PCNX2: variants seen among roughly 807,000 people sequenced by gnomAD.
PCNX2 encodes the protein pecanex 2, also known as pecanex-like protein 2.
Under a neutral mutation model 223.8 loss-of-function variants are expected in PCNX2, and 168 were observed. The ratio of observed to expected loss-of-function variants is 0.75; its 90% CI spans 0.66 to 0.85. PCNX2 has a LOEUF of 0.85. PCNX2 is among the 40% of genes least tolerant of loss of function. The pLI is 0.00. For missense variants in PCNX2, 2,507 were observed against 2,675.5 expected, an observed-to-expected ratio of 0.94 and a Z score of 1.39; for synonymous variants, 1,006 against 1,052.6, an observed-to-expected ratio of 0.96 and a Z score of 0.86.
At chr1:233,138,550 C>T (rs1161237417) in intron 20 of PCNX2, among the ~76,000 whole-genome samples, 4 of 152,192 alleles carry the variant, frequency 2.6e-5, no homozygotes, top group Non-Finnish European at 5.9e-5. Context: ...CTGTACCATA[C>T]TGGGAATCCC....
chr1:233,117,457 C>G (rs1309174152), intron 21 of PCNX2, among the ~76,000 whole-genome samples: 1 of 151,272 alleles, frequency 6.6e-6, no homozygotes, highest in East Asian at 2.0e-4. Context: ...CAGTGAAACC[C>G]TGTCTGTACT....
At chr1:233,015,708 T>A (rs1670632023) in intron 27 of PCNX2, among the ~76,000 whole-genome samples, 1 of 151,422 alleles carries the variant, frequency 6.6e-6, no homozygotes, top group South Asian at 2.1e-4. Context: ...AATAAAAAAA[T>A]AAAAAAATAT....
chr1:232,986,387 C>T lies in PCNX2; in HGVS notation c.5945G>A (p.Gly1982Asp), dbSNP rs1432159163. 1.2e-6 allele frequency: 2 copies of T among 1,602,704 alleles called. No individual in the cohort carries two copies. The highest frequency in any genetic ancestry group is 1.7e-6 in the Non-Finnish European group (2 of 1,174,442). The change falls in exon 33 of 34, where the codon GGC (glycine) becomes GAC (aspartate). Residue 1982 changes from glycine to aspartate, a missense_variant. Transcript: ENST00000258229. Reference protein sequence around the residue: ...SVHELAQRLSGSRLSLHASAT... With the variant: ...SVHELAQRLSDSRLSLHASAT... ...CGAGGCGTGCAAGGAGAGCCGGCTG[C>T]CCGAGAGCCTCTGGGCCAGCTCGTG...
intron 21 of PCNX2, among the ~76,000 whole-genome samples, chr1:233,118,448 A>G (rs991692849): frequency 1.3e-5 from 2 of 149,462 alleles, no homozygotes; most frequent in Non-Finnish European, 3.0e-5. Context: ...ATCCTTACCT[A>G]CAGATAGCAT....
intron 20 of PCNX2, among the ~76,000 whole-genome samples, chr1:233,137,033 A>G (rs914372124): frequency 6.6e-6 from 1 of 152,216 alleles, no homozygotes; most frequent in African/African-American, 2.4e-5. Context: ...TAACATTGCA[A>G]TAGTAACAGC....
Position 233,032,999 on chromosome 1 carries a change from A to T in PCNX2, c.4352-7600T>A, listed in dbSNP as rs112768736. 222 of 985,428 alleles carry T rather than the reference A, an allele frequency of 2.3e-4. 2 individuals are homozygous for T. The African/African-American group carries it at 3.7e-3, about 16-fold the overall frequency. 61.0% of individuals were successfully genotyped at this position (985,428 alleles called of 1,614,324 possible). On this transcript the variant is annotated intron_variant, in intron 25 of 33. Coordinates refer to ENST00000258229, the MANE Select transcript of PCNX2 (RefSeq NM_014801.4). ...GTTGTCCAAATGTAAATCAAGGCCC[A>T]TATTCTCAGGAAGACTCAGAAGGTT...
At chr1:233,049,086 G>T (rs1275751882) in intron 25 of PCNX2, among the ~76,000 whole-genome samples, 1 of 152,102 alleles carries the variant, frequency 6.6e-6, no homozygotes, top group Non-Finnish European at 1.5e-5. Flanking sequence ...CAATTCTACT[G>T]AAACTATACC....
the PCNX2 span, among the ~76,000 whole-genome samples, chr1:233,302,213 T>C: frequency 6.4e-3 from 976 of 152,344 alleles, 13 homozygotes; most frequent in African/African-American, 0.023. Context: ...AAATTTTGAA[T>C]GTAATATCTT....
the PCNX2 span, among the ~76,000 whole-genome samples, chr1:233,305,638 A>G: frequency 2.6e-5 from 4 of 152,080 alleles, no homozygotes; most frequent in African/African-American, 9.7e-5. Context: ...TATTTTTTGT[A>G]GAGACAAGAT....
chr1:232,992,548 C>A (rs1167888488), intron 32 of PCNX2, among the ~76,000 whole-genome samples: 2 of 152,192 alleles, frequency 1.3e-5, no homozygotes, highest in Non-Finnish European at 2.9e-5. Flanking sequence ...ACATTCGAAG[C>A]AGCATCCCTG....
rs143911477 is a variant in PCNX2, at chr1:233,234,606, CG to C, written c.2358+2238del. On this transcript the variant is annotated intron_variant, in intron 9 of 33. Coordinates refer to ENST00000258229, the MANE Select transcript of PCNX2 (RefSeq NM_014801.4). ...ACTTATTTTCAAGTTTCTGCTCTAA[CG>C]GGGATATTTTTGAGATATTAAATCA... Among the ~76,000 whole-genome samples, 410 of 152,174 alleles carry C rather than the reference CG, an allele frequency of 2.7e-3. 3 individuals carry two copies. The highest frequency in any genetic ancestry group is 9.4e-3 in the African/African-American group (389 of 41,522).
intron 31 of PCNX2, 30 bp from the exon 32 acceptor site, chr1:232,998,468 C>A (rs376243196): frequency 1.9e-6 from 3 of 1,599,862 alleles, no homozygotes; most frequent in Middle Eastern, 1.7e-4. Flanking sequence ...TTTGAGGATT[C>A]TCAGCAACAC....
At chr1:233,256,174 G>C (rs1659723345) in intron 5 of PCNX2, among the ~76,000 whole-genome samples, 1 of 151,958 alleles carries the variant, frequency 6.6e-6, no homozygotes, top group African/African-American at 2.4e-5. Flanking sequence ...GAATGTGGCT[G>C]GCTGAAAAAA....
intron 8 of PCNX2, among the ~76,000 whole-genome samples, chr1:233,238,910 C>T (rs188880886): frequency 6.6e-5 from 10 of 152,170 alleles, no homozygotes. Context: ...AATGCTTTTC[C>T]TTCTTGTCTA....
At position 233,200,196 on chromosome 1, in the gene PCNX2, A is replaced by G. The variant is rs1211236802; in HGVS notation, c.2932T>C (p.Tyr978His). The change falls in exon 14 of 34, where the codon TAT becomes CAT. Residue 978 changes from tyrosine to histidine, a missense_variant. Tyr to His is a moderately conservative substitution (Grantham distance 83). Coordinates refer to ENST00000258229, the MANE Select transcript of PCNX2 (RefSeq NM_014801.4). ...LFPQINTFCT[Y>H]LLEQIDMLFF... Reference sequence around the variant, plus strand: ...AGCATGTCAATTTGCTCCAAAAGATAAGTGCAGAAAGTGTTGATTTGCGGG... The same window carrying G: ...AGCATGTCAATTTGCTCCAAAAGATGAGTGCAGAAAGTGTTGATTTGCGGG... 4 of 1,595,196 alleles carry G rather than the reference A, an allele frequency of 2.5e-6. No individual in the cohort carries two copies. The highest frequency in any genetic ancestry group is 3.4e-6 in the Non-Finnish European group (4 of 1,170,414).
In PCNX2 at chr1:233,295,510, C is replaced by T. The variant is rs1662034785; in HGVS notation, c.-32G>A. On this transcript the variant is annotated 5_prime_UTR_variant, in exon 1 of 34. Coordinates refer to ENST00000258229, the MANE Select transcript of PCNX2 (RefSeq NM_014801.4). The surrounding 1 kb of genome is among the most constrained non-coding windows in gnomAD (Gnocchi z 4.1). ...TGCGCCCCGGGGCTGGTGAGCGCCCCGCTGCACCCTGCGCGCCCCGGCCGG... is the reference window on the plus strand; with the variant it reads ...TGCGCCCCGGGGCTGGTGAGCGCCCTGCTGCACCCTGCGCGCCCCGGCCGG... The T allele has an allele frequency of 6.6e-7, 1 of 1,507,158 alleles. No individual in the cohort carries two copies. The highest frequency in any genetic ancestry group is 8.9e-7 in the Non-Finnish European group (1 of 1,127,068). 93.4% of individuals were successfully genotyped at this position (1,507,158 alleles called of 1,614,324 possible). A position where few individuals can be genotyped will look rare whatever the true frequency, so the allele number is the denominator to read the frequency against.
intron 9 of PCNX2, among the ~76,000 whole-genome samples, chr1:233,235,493 A>G (rs1658330570): frequency 6.6e-6 from 1 of 152,154 alleles, no homozygotes; most frequent in African/African-American, 2.4e-5. Flanking sequence ...TCCCCACATC[A>G]ACAGGTATAA....
intron 17 of PCNX2, among the ~76,000 whole-genome samples, chr1:233,170,870 C>T (rs1277507358): frequency 6.6e-6 from 1 of 152,204 alleles, no homozygotes; most frequent in Non-Finnish European, 1.5e-5. Flanking sequence ...TTGCACAAAA[C>T]ATTCCAACAT....
intron 21 of PCNX2, among the ~76,000 whole-genome samples, chr1:233,105,229 C>G (rs1032255203): frequency 1.3e-5 from 2 of 152,126 alleles, no homozygotes; most frequent in Non-Finnish European, 2.9e-5. Context: ...ATCTGGTCCA[C>G]TTCATAATGA....
Sources: gnomAD v4.1 joint callset for allele counts (sites outside exome capture counted in the v4.1 genomes callset) on GRCh38, gnomAD v4.1.1 for gene constraint, Gnocchi (gnomAD v3.1) non-coding constraint, MANE v1.5 for transcripts, NCBI Gene and HGNC (gene_info 2026-07-23, HGNC 2026-07-21) for gene names.